Variants in RESF1 observed in about 807,000 individuals in gnomAD.
RESF1 encodes retroelement silencing factor 1.
Under a neutral mutation model 134.7 loss-of-function variants are expected in RESF1, and 65 were observed. That is an observed-to-expected ratio of 0.48 (90% CI 0.40 to 0.59). RESF1 has a LOEUF of 0.59. Among genes scored for constraint, RESF1 ranks in the 20% least tolerant of loss-of-function variants. RESF1 has a pLI of 0.00. For synonymous variants in RESF1, 762 were observed against 702.2 expected (o/e 1.09, Z -1.35); for missense variants, 2,274 against 2,002.7 (o/e 1.14, Z -2.59).
chr12:31,967,102 T>TG (rs1277736229), intron 2 of RESF1, among the ~76,000 whole-genome samples: 1 of 152,172 alleles, frequency 6.6e-6, no homozygotes, highest in African/African-American at 2.4e-5. Context: ...TTTACCACCT[T>TG]GGGGGGTATA....
intron 3 of RESF1, among the ~76,000 whole-genome samples, chr12:31,975,458 A>G (rs1319742979): frequency 1.3e-5 from 2 of 152,226 alleles, no homozygotes; most frequent in African/African-American, 4.8e-5. Context: ...ACGGGTTTTG[A>G]TAAATGCTTA....
At chr12:31,968,058 G>C (rs1315494874) in intron 2 of RESF1, among the ~76,000 whole-genome samples, 1 of 152,140 alleles carries the variant, frequency 6.6e-6, no homozygotes, top group East Asian at 1.9e-4. Context: ...ACACTGAATT[G>C]TTAGTATTGG....
intron 5 of RESF1, 81 bp downstream of exon 5, chr12:31,987,403 G>T (rs1940000756): frequency 2.6e-6 from 2 of 762,906 alleles, no homozygotes; most frequent in Admixed American, 2.8e-5. Flanking sequence ...TGATATGATT[G>T]TAAAGTATGA....
At position 31,984,981 on chromosome 12, in the gene RESF1, A is replaced by C. The variant is rs1399698871; in HGVS notation, c.4026A>C (p.Pro1342=). 6 of 1,612,880 alleles carry C rather than the reference A, an allele frequency of 3.7e-6. No individual in the cohort carries two copies. Among genetic ancestry groups the C allele is most frequent in the Non-Finnish European group, 5.1e-6 (6 of 1,179,726 alleles). ...TAAAAACAAAAACAGCTTTTTTGCC[A>C]AATAAAGATGTGTATAAGAAGCATA... is the stretch of plus-strand genomic sequence containing the variant. ...RPLKTKTAFL[P]NKDVYKKHSS... Residue 1342 remains proline (P), a synonymous_variant, in exon 4 of 6, where the codon CCA becomes CCC. Coordinates refer to ENST00000312561, the MANE Select transcript of RESF1 (RefSeq NM_018169.4).
At chr12:31,979,165 C>T (rs1939712032) in intron 3 of RESF1, among the ~76,000 whole-genome samples, 1 of 152,152 alleles carries the variant, frequency 6.6e-6, no homozygotes, top group African/African-American at 2.4e-5. Flanking sequence ...CATGATCCGC[C>T]CACCTTGGCC....
At chr12:31,990,070 G>T (rs185677856) in intron 5 of RESF1, among the ~76,000 whole-genome samples, 1 of 152,128 alleles carries the variant, frequency 6.6e-6, no homozygotes, top group African/African-American at 2.4e-5. Flanking sequence ...TAAGAAAAAA[G>T]CTCCTTGGAA....
At chr12:31,960,498 C>T (rs1592246903) in intron 1 of RESF1, among the ~76,000 whole-genome samples, 2 of 152,148 alleles carry the variant, frequency 1.3e-5, no homozygotes, top group African/African-American at 4.8e-5. Context: ...TAATATTAAT[C>T]CAATAAAGAC....
At chr12:31,971,458 T>G (rs1308967919) in intron 3 of RESF1, among the ~76,000 whole-genome samples, 10 of 151,910 alleles carry the variant, frequency 6.6e-5, no homozygotes, top group Non-Finnish European at 1.5e-4. Flanking sequence ...CCAGCTTTCT[T>G]GTAGCTATTT....
In RESF1 at chr12:31,986,080, C is replaced by T. The variant is rs894634781; in HGVS notation, c.5002+123C>T. ...AAGACTTTAATGTGTTATGCCACTA[C>T]CTAGTATTTGTTTTGCCTGGTAAAC... On this transcript the variant is annotated intron_variant, in intron 4 of 5. Coordinates refer to ENST00000312561, the MANE Select transcript of RESF1 (RefSeq NM_018169.4). The T allele has an allele frequency of 1.8e-5, 9 of 508,082 alleles. No homozygotes were observed. The East Asian group carries it at 2.4e-4, about 14-fold the overall frequency. The allele number at this position is 508,082 out of a possible 1,614,324, so 31.5% of individuals were successfully genotyped here. A position where few individuals can be genotyped will look rare whatever the true frequency, so the allele number is the denominator to read the frequency against.
At position 31,992,507 on chromosome 12, in the gene RESF1, G is replaced by A. The variant is rs1250801719; in HGVS notation, c.5216G>A (p.Arg1739Lys). 2 of 1,613,840 alleles carry A rather than the reference G, an allele frequency of 1.2e-6. No individual in the cohort carries two copies. The highest frequency in any genetic ancestry group is 1.7e-6 in the Non-Finnish European group (2 of 1,179,954). The change falls in exon 6 of 6, where the codon AGA becomes AAA. Residue 1739 changes from arginine to lysine, a missense_variant. Physicochemically the swap from Arg to Lys is conservative, Grantham distance 26. Coordinates refer to ENST00000312561, the MANE Select transcript of RESF1 (RefSeq NM_018169.4). ...YKQMYLEKRS[R>K]SLGSSPVK ...CAGATGTACCTGGAGAAGAGAAGCA[G>A]AAGCCTTGGTAGCAGTCCTGTAAAA...
chr12:31,991,959 C>T (rs1401169837), intron 5 of RESF1, among the ~76,000 whole-genome samples: 3 of 152,146 alleles, frequency 2.0e-5, no homozygotes, highest in Non-Finnish European at 2.9e-5. Flanking sequence ...TTAGAATATC[C>T]AATACATGGC....
Position 31,982,632 on chromosome 12 carries a change from TG to T in RESF1, c.1678del (p.Glu560LysfsTer40), listed in dbSNP as rs1434879576. On this transcript the variant is annotated frameshift_variant, in exon 4 of 6. Transcript: ENST00000312561. LOFTEE classifies it high-confidence loss of function. ...KVEQNSPAVC[E>X]TISVPKSMST... Reference sequence around the variant, plus strand: ...TTGAGCAAAATTCACCAGCAGTTTGTGAAACAATTTCTGTTCCCAAGTCCAT... The same window carrying T: ...TTGAGCAAAATTCACCAGCAGTTTGTAAACAATTTCTGTTCCCAAGTCCAT... 6.2e-7 allele frequency: 1 copy of T among 1,614,052 alleles called. No individual in the cohort carries two copies. The highest frequency in any genetic ancestry group is 8.5e-7 in the Non-Finnish European group (1 of 1,180,030).
rs374427167 is a variant in RESF1 at position 31,982,634 on chromosome 12, A to C, written c.1679A>C (p.Glu560Ala). 6.2e-7 allele frequency: 1 copy of C among 1,614,066 alleles called. No individual in the cohort carries two copies. The highest frequency in any genetic ancestry group is 8.5e-7 in the Non-Finnish European group (1 of 1,180,020). ...KVEQNSPAVC[E>A]TISVPKSMST... ...GAGCAAAATTCACCAGCAGTTTGTG[A>C]AACAATTTCTGTTCCCAAGTCCATG... Residue 560 changes from glutamate (E) to alanine (A), a missense_variant, in exon 4 of 6, where the codon GAA becomes GCA. Transcript: ENST00000312561.
Position 31,984,376 on chromosome 12 carries a change from A to G in RESF1, c.3421A>G (p.Thr1141Ala). The G allele has an allele frequency of 1.2e-6, 2 of 1,614,124 alleles. No individual in the cohort carries two copies. Among genetic ancestry groups the G allele is most frequent in the South Asian group, 1.1e-5 (1 of 91,034 alleles). Residue 1141 changes from threonine (T) to alanine (A), a missense_variant, in exon 4 of 6, where the codon ACA (threonine) becomes GCA (alanine). By Grantham distance (58) the Thr-to-Ala change is moderately conservative. Transcript: ENST00000312561. Reference sequence around the variant, plus strand: ...AGAACCTCAGAAAGAAGAGCCCATCACAGAAGTAGTTAGCCAGTGTGACCT... The same window carrying G: ...AGAACCTCAGAAAGAAGAGCCCATCGCAGAAGTAGTTAGCCAGTGTGACCT... The part of the protein sequence containing the change: ...LAEPQKEEPI[T>A]EVVSQCDLQA...
At position 31,983,447 on chromosome 12, in the gene RESF1, T is replaced by A; in HGVS notation, c.2492T>A (p.Ile831Asn). 2 of 1,613,996 alleles carry A rather than the reference T, an allele frequency of 1.2e-6. No homozygotes were observed. Among genetic ancestry groups the A allele is most frequent in the Non-Finnish European group, 1.7e-6 (2 of 1,179,964 alleles). Residue 831 changes from isoleucine (I) to asparagine (N), a missense_variant, in exon 4 of 6, where the codon ATT becomes AAT. Transcript: ENST00000312561. ...GCAAGTACAGCAACATCAACCAAGA[T>A]TTTTCCACTAACTCAGAAGGAAAAG... ...PVASTATSTK[I>N]FPLTQKEKQN...
At chr12:31,975,439 A>G (rs80267993) in intron 3 of RESF1, among the ~76,000 whole-genome samples, 2,088 of 152,310 alleles carry the variant, frequency 0.014, 45 homozygotes, top group African/African-American at 0.047. Flanking sequence ...TCTGTATCCA[A>G]TGGGTCTTAC....
In RESF1 at chr12:31,984,165, TA is replaced by T; in HGVS notation, c.3211del (p.Thr1071HisfsTer39). Reference protein sequence around the residue: ...EFPYGIEAVNTREGSVGQQTT... With the variant: ...EFPYGIEAVNXREGSVGQQTT... ...TTCCTTATGGCATTGAGGCTGTGAA[TA>T]CACGTGAAGGTTCTGTGGGCCAGCA... On this transcript the variant is annotated frameshift_variant, in exon 4 of 6. Transcript: ENST00000312561. LOFTEE classifies it high-confidence loss of function. The T allele has an allele frequency of 1.9e-6, 3 of 1,612,962 alleles. No homozygotes were observed. Among genetic ancestry groups the T allele is most frequent in the Non-Finnish European group, 2.5e-6 (3 of 1,179,650 alleles).
chr12:31,982,185 T>TG lies in RESF1; in HGVS notation c.1231dup (p.Ala411GlyfsTer5). On this transcript the variant is annotated frameshift_variant, in exon 4 of 6. Transcript: ENST00000312561. LOFTEE classifies it high-confidence loss of function. ...AGATAAAACAGAAGTTTTCAGAACT[T>TG]GCAAGGAAAATTAAAATCAATAAAG... The TG allele has an allele frequency of 6.2e-7, 1 of 1,611,390 alleles. No homozygotes were observed. Among genetic ancestry groups the TG allele is most frequent in the Non-Finnish European group, 8.5e-7 (1 of 1,179,384 alleles).
At chr12:31,989,039 G>A (rs1473633080) in intron 5 of RESF1, among the ~76,000 whole-genome samples, 1 of 151,818 alleles carries the variant, frequency 6.6e-6, no homozygotes, top group Admixed American at 6.6e-5. Flanking sequence ...TGTTGTTAGG[G>A]TTTGGCTTTG....
Sources: allele counts gnomAD v4.1 joint callset (sites outside exome capture counted in the v4.1 genomes callset), GRCh38; gene constraint gnomAD v4.1.1; transcripts MANE v1.5; gene names NCBI Gene and HGNC (gene_info 2026-07-23, HGNC 2026-07-21).